The following MRTFA variants were observed in gnomAD, a reference collection of about 807,000 sequenced individuals.
MRTFA encodes the protein myocardin-related transcription factor A.
Under a neutral mutation model 83.5 loss-of-function variants are expected in MRTFA, and 20 were observed. That is an observed-to-expected ratio of 0.24 (90% CI 0.17 to 0.35). The LOEUF (loss-of-function observed/expected upper bound fraction) is 0.35, where lower values mean the gene tolerates loss of function less well. Ranked by LOEUF, MRTFA falls within the 10% of genes least tolerant of loss-of-function variation. The pLI is 1.00. For synonymous variants in MRTFA, 659 were observed against 541.2 expected, an observed-to-expected ratio of 1.22 and a Z score of -3.02; for missense variants, 1,200 against 1,224.7, an observed-to-expected ratio of 0.98 and a Z score of 0.30.
At position 40,418,693 on chromosome 22, in the gene MRTFA, G is replaced by A. The variant is rs1316642310; in HGVS notation, c.2045C>T (p.Ser682Phe). 2.2e-6 allele frequency: 3 copies of A among 1,352,366 alleles called. No individual in the cohort carries two copies. Among genetic ancestry groups the A allele is most frequent in the South Asian group, 1.4e-5 (1 of 72,694 alleles). 83.8% of individuals were successfully genotyped at this position (1,352,366 alleles called of 1,614,324 possible). The change falls in exon 12 of 15, where the codon TCC becomes TTC. Residue 682 changes from serine to phenylalanine, a missense_variant. Around this residue, in one of 2 missense-constraint regions of MRTFA, gnomAD observed 1,107 missense variants for 1,041.8 expected, o/e 1.06. Transcript: ENST00000355630. The stretch of plus-strand genomic sequence containing the variant: ...GGGCTGCTGGCTCAGCTGGCAGCTG[G>A]AGAAGCTGTTCTCCTGCTTCACGGG...
chr22:40,435,909 T>C (rs2053160640), intron 4 of MRTFA, among the ~76,000 whole-genome samples: 1 of 144,686 alleles, frequency 6.9e-6, no homozygotes, highest in Admixed American at 7.1e-5. Flanking sequence ...CACTCTAGCC[T>C]GGGCAACAGA....
chr22:40,452,805 C>CAA (rs34486531), intron 4 of MRTFA, among the ~76,000 whole-genome samples: 907 of 62,560 alleles, frequency 0.014, 8 homozygotes, highest in African/African-American at 0.026. Flanking sequence ...CACTCCGTCT[C>CAA]AAAAAAAAAA....
Position 40,418,518 on chromosome 22 carries a change from C to A in MRTFA, c.2220G>T (p.Leu740Phe), listed in dbSNP as rs2147066472. 1.3e-6 allele frequency: 2 copies of A among 1,592,910 alleles called. No individual in the cohort carries two copies. The highest frequency in any genetic ancestry group is 1.7e-6 in the Non-Finnish European group (2 of 1,173,486). Reference sequence around the variant, plus strand: ...GGCTGGGGCCCTGAGGCCCCAGAAGCAACTGGGGGGCGGGGACCGGCTCGG... The same window carrying A: ...GGCTGGGGCCCTGAGGCCCCAGAAGAAACTGGGGGGCGGGGACCGGCTCGG... Residue 740 changes from leucine to phenylalanine, a missense_variant, in exon 12 of 15, where the codon TTG becomes TTT. Transcript: ENST00000355630.
Position 40,599,539 on chromosome 22 carries a change from C to G in MRTFA, c.-83-4804G>C, listed in dbSNP as rs550378792. ...ATAGAATTCTGGGTCTTCTTTCAAA[C>G]AAGCACTTCTTTGGAAAGAATGCCA... On this transcript the variant is annotated intron_variant, in intron 1 of 14. Coordinates refer to ENST00000355630, the MANE Select transcript of MRTFA (RefSeq NM_020831.6). 8.5e-5 allele frequency among the ~76,000 whole-genome samples: 13 copies of G among 152,198 alleles called. No homozygotes were observed. In the South Asian group the frequency reaches 2.5e-3, roughly 29 times the overall value.
intron 3 of MRTFA, among the ~76,000 whole-genome samples, chr22:40,501,985 ACCC>A (rs1261362875): frequency 9.4e-6 from 1 of 105,968 alleles, no homozygotes; most frequent in African/African-American, 4.0e-5. Context: ...CGGGGGGCTG[ACCC>A]CCCCACCTCC....
chr22:40,600,334 C>T (rs1207126606), intron 1 of MRTFA, among the ~76,000 whole-genome samples: 1 of 152,128 alleles, frequency 6.6e-6, no homozygotes, highest in Non-Finnish European at 1.5e-5. Context: ...CACTGTGCTC[C>T]TAGGCATATC....
At chr22:40,591,263 C>T (rs1602471014) in intron 2 of MRTFA, among the ~76,000 whole-genome samples, 1 of 147,614 alleles carries the variant, frequency 6.8e-6, no homozygotes, top group Admixed American at 6.8e-5. Context: ...GGCAAAAGAG[C>T]GAGACTCCGT....
intron 14 of MRTFA, among the ~76,000 whole-genome samples, chr22:40,413,767 C>CA (rs1475957881): frequency 3.3e-5 from 5 of 151,638 alleles, no homozygotes; most frequent in African/African-American, 7.3e-5. Context: ...TTTAAAAAAT[C>CA]AAAAAAAATG....
At chr22:40,489,639 A>G (rs1196864543) in intron 3 of MRTFA, among the ~76,000 whole-genome samples, 1 of 152,104 alleles carries the variant, frequency 6.6e-6, no homozygotes, top group Admixed American at 6.6e-5. Context: ...TTCAAGACTG[A>G]GTCAATATAC....
intron 1 of MRTFA, among the ~76,000 whole-genome samples, chr22:40,599,903 TAA>T (rs61576273): frequency 1.3e-4 from 16 of 123,360 alleles, no homozygotes; most frequent in Non-Finnish European, 1.2e-4. Context: ...GCTGTGTCTT[TAA>T]AAAAAAAAAA....
intron 4 of MRTFA, among the ~76,000 whole-genome samples, chr22:40,442,095 C>T (rs1391671620): frequency 2.0e-5 from 3 of 152,158 alleles, no homozygotes; most frequent in Non-Finnish European, 4.4e-5. Flanking sequence ...GTAAATGAGT[C>T]TTCTAGGATT....
rs779709805 is a variant in MRTFA, at chr22:40,419,261, C to A, written c.1477G>T (p.Ala493Ser). 1.2e-6 allele frequency: 2 copies of A among 1,612,988 alleles called. No homozygotes were observed. Among genetic ancestry groups the A allele is most frequent in the Non-Finnish European group, 1.7e-6 (2 of 1,179,642 alleles). The change falls in exon 12 of 15, where the codon GCC (alanine) becomes TCC (serine). Residue 493 changes from alanine (A) to serine (S), a missense_variant. By Grantham distance (99) the Ala-to-Ser change is moderately conservative. Transcript: ENST00000355630. The stretch of plus-strand genomic sequence containing the variant: ...TGCAGGATAGAGGTGGCGGCAGGGG[C>A]CTTGGGGGCTCCTGGCACAGGGCTG...
chr22:40,413,315 G>C (rs1363100695), intron 14 of MRTFA, among the ~76,000 whole-genome samples: 1 of 151,042 alleles, frequency 6.6e-6, no homozygotes, highest in African/African-American at 2.4e-5. Context: ...AACAAAAAAA[G>C]GTAAATTTTA....
intron 4 of MRTFA, among the ~76,000 whole-genome samples, chr22:40,461,425 G>A (rs1310106244): frequency 6.6e-6 from 1 of 151,768 alleles, no homozygotes; most frequent in Non-Finnish European, 1.5e-5. Context: ...GCCTGAGGCA[G>A]AAGGATTGCT....
chr22:40,470,277 AT>A (rs2053885583), intron 3 of MRTFA, among the ~76,000 whole-genome samples: 3 of 116,452 alleles, frequency 2.6e-5, no homozygotes, highest in Non-Finnish European at 3.6e-5. Context: ...ATATATATAT[AT>A]ATAAAGAAAC....
At chr22:40,425,088 G>A (rs2147082347) in intron 7 of MRTFA, among the ~76,000 whole-genome samples, 1 of 152,340 alleles carries the variant, frequency 6.6e-6, no homozygotes, top group South Asian at 2.1e-4. Flanking sequence ...ACATCCTACT[G>A]GCTGTCACTG....
At chr22:40,459,830 C>CATACAT (rs1555973834) in intron 4 of MRTFA, among the ~76,000 whole-genome samples, 2 of 86,952 alleles carry the variant, frequency 2.3e-5, no homozygotes, top group Non-Finnish European at 4.2e-5. Flanking sequence ...CACATATATA[C>CATACAT]ATATATATAT....
At position 40,559,547 on chromosome 22, in the gene MRTFA, T is replaced by C. The variant is rs541003943; in HGVS notation, c.-21-7180A>G. On this transcript the variant is annotated intron_variant, in intron 2 of 14. Transcript: ENST00000355630. ...TGATCCTCCCAAGTAGCTAGGACTA[T>C]AGGTGTGTGCCAACACACCTGACTA... is the stretch of plus-strand genomic sequence containing the variant. Among the ~76,000 whole-genome samples the C allele has an allele frequency of 9.9e-5, 15 of 152,204 alleles. No individual in the cohort carries two copies. The South Asian group carries it at 1.0e-3, about 11-fold the overall frequency.
At chr22:40,505,230 G>A (rs550607174) in intron 3 of MRTFA, among the ~76,000 whole-genome samples, 47 of 152,282 alleles carry the variant, frequency 3.1e-4, no homozygotes, top group African/African-American at 1.0e-3. Context: ...CCCTGCTAAC[G>A]ATAACATCTA....
Sources: gnomAD v4.1 joint callset for allele counts (sites outside exome capture counted in the v4.1 genomes callset) on GRCh38, gnomAD v4.1.1 for gene constraint, gnomAD v4.1.1 regional missense constraint, MANE v1.5 for transcripts, NCBI Gene and HGNC (gene_info 2026-07-23, HGNC 2026-07-21) for gene names.